TSHZ2: variants seen among roughly 807,000 people sequenced by gnomAD.
The protein encoded by TSHZ2 is teashirt homolog 2.
A neutral mutation model predicts 74.4 loss-of-function variants in TSHZ2; 21 were observed. The ratio of observed to expected loss-of-function variants is 0.28; its 90% CI spans 0.20 to 0.41. The LOEUF (loss-of-function observed/expected upper bound fraction) is 0.41. Among genes scored for constraint, TSHZ2 ranks in the 10% least tolerant of loss-of-function variants. The pLI is 1.00. For missense variants in TSHZ2, 1,244 were observed against 1,293.5 expected (o/e 0.96, Z 0.59); for synonymous variants, 540 against 515.3 (o/e 1.05, Z -0.65).
chr20:53,417,963 A>C (rs1320877048), intron 2 of TSHZ2, among the ~76,000 whole-genome samples: 1 of 152,206 alleles, frequency 6.6e-6, no homozygotes, highest in Non-Finnish European at 1.5e-5. Flanking sequence ...CTCTGAGCTC[A>C]CAGAGCTACA....
intron 1 of TSHZ2, among the ~76,000 whole-genome samples, chr20:53,222,127 C>G (rs972937268): frequency 1.3e-5 from 2 of 152,154 alleles, no homozygotes; most frequent in Admixed American, 6.6e-5. Flanking sequence ...AGAGACCATT[C>G]TTTTTCCTAT....
intron 2 of TSHZ2, among the ~76,000 whole-genome samples, chr20:53,390,381 G>C (rs1982205936): frequency 1.3e-5 from 2 of 152,168 alleles, no homozygotes; most frequent in African/African-American, 4.8e-5. Context: ...GGTGTGAAAA[G>C]GAAGTTATCC....
At chr20:53,400,280 G>A (rs1039842595) in intron 2 of TSHZ2, 1 of 152,184 alleles carries the variant, frequency 6.6e-6, no homozygotes, top group Non-Finnish European at 1.5e-5. Context: ...TCACTTTGAG[G>A]GCTTTTTCAA....
intron 2 of TSHZ2, among the ~76,000 whole-genome samples, chr20:53,264,688 G>A (rs1380076081): frequency 6.6e-6 from 1 of 152,184 alleles, no homozygotes; most frequent in Non-Finnish European, 1.5e-5. Flanking sequence ...AGGAGATTTT[G>A]TTCAATGAAG....
At position 53,074,742 on chromosome 20, in the gene TSHZ2, A is replaced by T. The variant is rs1271243941; in HGVS notation, c.40+101409A>T. Among the ~76,000 whole-genome samples the T allele has an allele frequency of 1.3e-5, 2 of 152,228 alleles. No homozygotes were observed. Among genetic ancestry groups the T allele is most frequent in the African/African-American group, 4.8e-5 (2 of 41,472 alleles). Reference sequence around the variant, plus strand: ...GAATTTTAAAGAAAAATTCAGGCACATCTACTCTGTGCCAGGGAAGGTGCT... The same window carrying T: ...GAATTTTAAAGAAAAATTCAGGCACTTCTACTCTGTGCCAGGGAAGGTGCT... On this transcript the variant is annotated intron_variant, in intron 1 of 2. Transcript: ENST00000371497. This position sits in a 1 kb window ranked among gnomAD's most constrained non-coding sequence, Gnocchi z 5.9.
At chr20:53,140,151 AAAG>A (rs561752910) in intron 1 of TSHZ2, among the ~76,000 whole-genome samples, 224 of 152,290 alleles carry the variant, frequency 1.5e-3, no homozygotes, top group Middle Eastern at 0.01. Context: ...AGAAAGACAA[AAAG>A]AAGAAAAAAG....
At chr20:52,985,480 A>G (rs952484641) in intron 1 of TSHZ2, among the ~76,000 whole-genome samples, 1 of 152,312 alleles carries the variant, frequency 6.6e-6, no homozygotes, top group Non-Finnish European at 1.5e-5. Context: ...TTATTGGTAG[A>G]ATGGGGATAA....
intron 1 of TSHZ2, among the ~76,000 whole-genome samples, chr20:53,096,922 C>CAAAAAA (rs55974161): frequency 0.077 from 11,557 of 150,558 alleles, 489 homozygotes; most frequent in Non-Finnish European, 0.1. Flanking sequence ...AAACAAAAAA[C>CAAAAAA]AAAACAAAAA....
At chr20:53,081,947 G>A (rs572550165) in intron 1 of TSHZ2, among the ~76,000 whole-genome samples, 1 of 150,442 alleles carries the variant, frequency 6.6e-6, no homozygotes, top group East Asian at 2.0e-4. Context: ...CCAGGCTGGA[G>A]TGCAGTCAGA....
rs189246412 is a variant in TSHZ2 at position 53,324,794 on chromosome 20, T to C, written c.*8+68223T>C. Among the ~76,000 whole-genome samples the C allele has an allele frequency of 3.3e-4, 51 of 152,350 alleles. No homozygotes were observed. The East Asian group carries it at 9.5e-3, about 28-fold the overall frequency. On this transcript the variant is annotated intron_variant, in intron 2 of 2. Transcript: ENST00000371497. ...TGATTTTGATGCATTACAAAATGTATTGCCCCTACTATTCTCCTCTATTAG... is the reference window on the plus strand; with the variant it reads ...TGATTTTGATGCATTACAAAATGTACTGCCCCTACTATTCTCCTCTATTAG...
chr20:53,398,773 T>A (rs1354216374), intron 2 of TSHZ2: 1 of 152,184 alleles, frequency 6.6e-6, no homozygotes, highest in Non-Finnish European at 1.5e-5. Flanking sequence ...AAAAAAGTTT[T>A]ATCTGTGGAT....
intron 1 of TSHZ2, among the ~76,000 whole-genome samples, chr20:53,208,263 C>T (rs1389824225): frequency 6.6e-6 from 1 of 152,082 alleles, no homozygotes; most frequent in African/African-American, 2.4e-5. Context: ...TTCACAAACC[C>T]ACTGGTGGCG....
At chr20:53,446,407 CAA>C (rs34010689) in intron 2 of TSHZ2, among the ~76,000 whole-genome samples, 54,318 of 127,430 alleles carry the variant, frequency 0.43, 10,924 homozygotes, top group South Asian at 0.49. Context: ...ACTAAAAATA[CAA>C]AAAAAAAAAA....
At chr20:53,138,329 A>G (rs1426524340) in intron 1 of TSHZ2, among the ~76,000 whole-genome samples, 3 of 151,826 alleles carry the variant, frequency 2.0e-5, no homozygotes, top group Non-Finnish European at 4.4e-5. Context: ...GCTTGCAGTG[A>G]GCAGAGATCA....
intron 1 of TSHZ2, among the ~76,000 whole-genome samples, chr20:53,090,262 G>T (rs1323523786): frequency 6.6e-6 from 1 of 152,110 alleles, no homozygotes; most frequent in Non-Finnish European, 1.5e-5. Flanking sequence ...GACTGAGGGT[G>T]GGTCTGCCTC....
At chr20:53,160,462 G>A (rs1987903063) in intron 1 of TSHZ2, among the ~76,000 whole-genome samples, 1 of 152,104 alleles carries the variant, frequency 6.6e-6, no homozygotes, top group African/African-American at 2.4e-5. Flanking sequence ...ATGCACAAGT[G>A]CAGTAATAAG....
intron 1 of TSHZ2, among the ~76,000 whole-genome samples, chr20:53,064,170 ATGT>A (rs1463846311): frequency 6.6e-6 from 1 of 152,202 alleles, no homozygotes; most frequent in Non-Finnish European, 1.5e-5. Flanking sequence ...ATATTTTTAA[ATGT>A]TGTGCTTGAT....
chr20:53,048,528 C>G (rs368316340), intron 1 of TSHZ2, among the ~76,000 whole-genome samples: 2 of 152,260 alleles, frequency 1.3e-5, no homozygotes, highest in African/African-American at 4.8e-5. Context: ...TCCTCCTGAT[C>G]AAGGGTGGAA....
At position 53,059,825 on chromosome 20, in the gene TSHZ2, C is replaced by T. The variant is rs112760728; in HGVS notation, c.40+86492C>T. Reference sequence around the variant, plus strand: ...CTTTCTTCTTACTCAGGAAGATTTGCCAGAATTTAACACTAACACTTCATC... The same window carrying T: ...CTTTCTTCTTACTCAGGAAGATTTGTCAGAATTTAACACTAACACTTCATC... On this transcript the variant is annotated intron_variant, in intron 1 of 2. Transcript: ENST00000371497. Among the ~76,000 whole-genome samples the T allele has an allele frequency of 9.7e-4, 147 of 152,222 alleles. 1 individual carries two copies. In the Middle Eastern group the frequency reaches 0.014, roughly 14 times the overall value.
Sources: allele counts gnomAD v4.1 joint callset (sites outside exome capture counted in the v4.1 genomes callset), GRCh38; gene constraint gnomAD v4.1.1; non-coding constraint Gnocchi (gnomAD v3.1); transcripts MANE v1.5; gene names NCBI Gene and HGNC (gene_info 2026-07-23, HGNC 2026-07-21).